RP1: variants seen among roughly 807,000 people sequenced by gnomAD.
RP1 encodes the protein oxygen-regulated protein 1.
In RP1, 16 loss-of-function variants were observed where a neutral mutation model predicts 14.8. The ratio of observed to expected loss-of-function variants is 1.08; its 90% CI spans 0.73 to 1.65. RP1 has a LOEUF of 1.65. RP1 is among the 40% of genes most tolerant of loss of function. RP1 has a pLI of 0.00. For synonymous variants in RP1, 876 were observed against 883.6 expected, an observed-to-expected ratio of 0.99 and a Z score of 0.15; for missense variants, 2,631 against 2,535.0, an observed-to-expected ratio of 1.04 and a Z score of -0.81.
At chr8:54,636,219 C>G (rs570126280) in intron 3 of RP1, among the ~76,000 whole-genome samples, 1 of 152,296 alleles carries the variant, frequency 6.6e-6, no homozygotes, top group African/African-American at 2.4e-5. Flanking sequence ...GCAAGACCCA[C>G]AAGGGTGTCT....
intron 23 of RP1, among the ~76,000 whole-genome samples, chr8:54,776,922 G>A (rs886877184): frequency 2.6e-5 from 4 of 152,182 alleles, no homozygotes; most frequent in East Asian, 1.9e-4. Flanking sequence ...ATAGTGATAC[G>A]ACAAGCTCTC....
chr8:54,780,364 T>A (rs1305386184), intron 23 of RP1, among the ~76,000 whole-genome samples: 1 of 152,244 alleles, frequency 6.6e-6, no homozygotes, highest in Admixed American at 6.5e-5. Flanking sequence ...AGGTAAGACA[T>A]ATAAACTGTG....
At chr8:54,595,560 G>A (rs1805124286) in intron 1 of RP1, among the ~76,000 whole-genome samples, 2 of 152,206 alleles carry the variant, frequency 1.3e-5, no homozygotes, top group Non-Finnish European at 2.9e-5. Context: ...GGTGCTAGGA[G>A]CATACCAGGG....
intron 3 of RP1, among the ~76,000 whole-genome samples, chr8:54,648,310 A>T (rs1806589080): frequency 6.6e-6 from 1 of 152,194 alleles, no homozygotes; most frequent in Non-Finnish European, 1.5e-5. Flanking sequence ...CTAGGACATT[A>T]TATCATACCA....
In RP1 at chr8:54,626,914, C is replaced by T; in HGVS notation, c.3032C>T (p.Ser1011Phe). The T allele has an allele frequency of 6.2e-7, 1 of 1,613,866 alleles. No homozygotes were observed. The highest frequency in any genetic ancestry group is 8.5e-7 in the Non-Finnish European group (1 of 1,179,950). The change falls in exon 4 of 4, where the codon TCT (serine) becomes TTT (phenylalanine). Residue 1011 changes from serine to phenylalanine, a missense_variant. Coordinates refer to ENST00000220676, the MANE Select transcript of RP1 (RefSeq NM_006269.2). The part of the protein sequence containing the change: ...EEDLHETQVG[S>F]LNDAYLVPLH... ...GATCTCCATGAGACACAGGTTGGAT[C>T]TCTGAATGATGCTTATTTGGTTCCC...
chr8:54,781,757 A>G (rs973959866), intron 23 of RP1, among the ~76,000 whole-genome samples: 1 of 152,208 alleles, frequency 6.6e-6, no homozygotes, highest in African/African-American at 2.4e-5. Context: ...TCCAGTTGCA[A>G]AAAAGAAAAA....
At chr8:54,734,610 C>T (rs1225256602) in exon 18 of RP1, 6 of 1,535,670 alleles carry the variant, frequency 3.9e-6, no homozygotes, top group Non-Finnish European at 5.2e-6. Flanking sequence ...GGTGTTAGTG[C>T]TGACAGGAAA....
At chr8:54,760,450 T>C (rs1379134878) in intron 22 of RP1, among the ~76,000 whole-genome samples, 1 of 152,238 alleles carries the variant, frequency 6.6e-6, no homozygotes. Flanking sequence ...AATTTTATTC[T>C]TTAGTATTTT....
chr8:54,853,516 G>A (rs1225173150), intron 26 of RP1, among the ~76,000 whole-genome samples: 1 of 152,266 alleles, frequency 6.6e-6, no homozygotes, highest in Non-Finnish European at 1.5e-5. Context: ...ATGTCTTATG[G>A]CCGTGCACAG....
chr8:54,630,958 G>A (rs1806236571), downstream of RP1: 1 of 461,312 alleles, frequency 2.2e-6, no homozygotes, highest in African/African-American at 2.1e-5. Context: ...TTGAATAATT[G>A]TGGTGTATTT....
chr8:54,628,773 G>T lies in RP1; in HGVS notation c.4891G>T (p.Ala1631Ser), dbSNP rs1806157875. Reference sequence around the variant, plus strand: ...ATATAACATAGGATTTGTTAAAAGGGCAATAGAAAAACTGTACGGTAAAGC... The same window carrying T: ...ATATAACATAGGATTTGTTAAAAGGTCAATAGAAAAACTGTACGGTAAAGC... ...KEYNIGFVKR[A>S]IEKLYGKADI... is the part of the protein sequence containing the mutation. The change falls in exon 4 of 4, where the codon GCA (alanine) becomes TCA (serine). Residue 1631 changes from alanine to serine, a missense_variant. Ala to Ser is a moderately conservative substitution (Grantham distance 99, BLOSUM62 1). Coordinates refer to ENST00000220676, the MANE Select transcript of RP1 (RefSeq NM_006269.2). The T allele has an allele frequency of 1.9e-6, 3 of 1,614,042 alleles. No individual in the cohort carries two copies. In the East Asian group the frequency reaches 6.7e-5, roughly 36 times the overall value.
intron 8 of RP1, among the ~76,000 whole-genome samples, chr8:54,674,965 G>T (rs1807262394): frequency 6.6e-6 from 1 of 152,132 alleles, no homozygotes; most frequent in South Asian, 2.1e-4. Context: ...TGAGGCAAAT[G>T]ATTCTCAGGC....
chr8:54,587,691 C>G (rs1413619068), intron 1 of RP1, among the ~76,000 whole-genome samples: 4 of 152,166 alleles, frequency 2.6e-5, no homozygotes, highest in African/African-American at 9.7e-5. Context: ...TTCCTGAAGT[C>G]AAGACTCTTG....
rs770516808 is a variant in RP1 at position 54,622,136 on chromosome 8, T to G, written c.635T>G (p.Val212Gly). 6 of 1,614,216 alleles carry G rather than the reference T, an allele frequency of 3.7e-6. No homozygotes were observed. Among genetic ancestry groups the G allele is most frequent in the Non-Finnish European group, 5.1e-6 (6 of 1,180,044 alleles). ...DGRRVPSLQAVILSSGAVVAA... is the reference protein window; with the variant it reads ...DGRRVPSLQAGILSSGAVVAA... ...TTTTAGGTTCCCAGCCTCCAGGCAG[T>G]GATCCTGAGCTCTGGAGCTGTGGTG... The change falls in exon 3 of 4, where the codon GTG (valine) becomes GGG (glycine). Residue 212 changes from valine (V) to glycine (G), a missense_variant. Coordinates refer to ENST00000220676, the MANE Select transcript of RP1 (RefSeq NM_006269.2).
intron 7 of RP1, among the ~76,000 whole-genome samples, chr8:54,671,095 G>A (rs1018274822): frequency 1.3e-5 from 2 of 151,968 alleles, no homozygotes; most frequent in African/African-American, 2.4e-5. Context: ...ACTTTTGACA[G>A]TTTTGCCTGA....
chr8:54,819,430 G>T (rs1224931195), intron 24 of RP1, among the ~76,000 whole-genome samples: 1 of 151,988 alleles, frequency 6.6e-6, no homozygotes, highest in African/African-American at 2.4e-5. Flanking sequence ...TGTCTGAAAG[G>T]TCACATATCT....
intron 25 of RP1, among the ~76,000 whole-genome samples, chr8:54,844,957 A>G (rs1811879426): frequency 6.6e-6 from 1 of 152,148 alleles, no homozygotes; most frequent in Non-Finnish European, 1.5e-5. Context: ...TCTGGCATGA[A>G]GGGCTCACCA....
chr8:54,662,237 G>T (rs1037713339), intron 6 of RP1, among the ~76,000 whole-genome samples: 4 of 152,116 alleles, frequency 2.6e-5, no homozygotes, highest in African/African-American at 9.7e-5. Context: ...TAAGGAGAAT[G>T]TTGATATTTT....
chr8:54,707,999 T>C (rs991887733), intron 15 of RP1, among the ~76,000 whole-genome samples: 2 of 152,216 alleles, frequency 1.3e-5, no homozygotes, highest in Non-Finnish European at 2.9e-5. Flanking sequence ...TAGTTAGAAG[T>C]ACAATTTCAT....
Sources: gnomAD v4.1 joint callset for allele counts (sites outside exome capture counted in the v4.1 genomes callset) on GRCh38, gnomAD v4.1.1 for gene constraint, MANE v1.5 for transcripts, NCBI Gene and HGNC (gene_info 2026-07-23, HGNC 2026-07-21) for gene names.